Variants in DNAAF8 observed in about 807,000 individuals in gnomAD.
DNAAF8 encodes the protein dynein axonemal-associated protein 1.
DNAAF8 carries 61 observed loss-of-function variants against 54.6 expected under a neutral mutation model. The observed-to-expected ratio is 1.12, with a 90% CI of 0.91 to 1.38. The LOEUF (loss-of-function observed/expected upper bound fraction) is 1.38. DNAAF8 is among the 40% of genes most tolerant of loss of function. The probability of loss-of-function intolerance (pLI) is 0.00; values close to 1 mark genes in which losing one functional copy is unlikely to be tolerated. For synonymous variants in DNAAF8, 320 were observed against 270.1 expected, an observed-to-expected ratio of 1.18 and a Z score of -1.81; for missense variants, 837 against 665.0, an observed-to-expected ratio of 1.26 and a Z score of -2.85.
rs150812571 is a variant in DNAAF8 at position 4,746,442 on chromosome 16, A to G, written c.1111A>G (p.Asn371Asp). The G allele has an allele frequency of 2.6e-5, 42 of 1,613,724 alleles. No individual in the cohort carries two copies. In the African/African-American group the frequency reaches 5.2e-4, roughly 20 times the overall value. Residue 371 changes from asparagine to aspartate, a missense_variant, in exon 7 of 10, where the codon AAC (asparagine) becomes GAC (aspartate). Coordinates refer to ENST00000299320, the MANE Select transcript of DNAAF8 (RefSeq NM_139170.3). ...GPQLAQGMRL[N>D]AESPTIFIDL... ...GCAGCTGGCCCAGGGCATGAGGCTT[A>G]ACGCAGAGTCCCCCACCATCTTTAT... is the stretch of plus-strand genomic sequence containing the variant.
chr16:4,744,777 T>G, intron 5 of DNAAF8, 93 bp from the exon 6 acceptor site: 1 of 1,446,920 alleles, frequency 6.9e-7, no homozygotes, highest in Non-Finnish European at 9.4e-7. Flanking sequence ...TCCATTCACA[T>G]GTGGAGACCC....
chr16:4,746,697 G>T, intron 7 of DNAAF8, 185 bp downstream of exon 7: 2 of 874,468 alleles, frequency 2.3e-6, no homozygotes, highest in South Asian at 3.6e-5. Flanking sequence ...AGAGGGGCAT[G>T]AGGCACACCT....
rs139743701 is a variant in DNAAF8, at chr16:4,737,919, C to T, written c.249C>T (p.Val83=). Residue 83 remains valine (V), a synonymous_variant, in exon 3 of 10, where the codon GTC becomes GTT. Coordinates refer to ENST00000299320, the MANE Select transcript of DNAAF8 (RefSeq NM_139170.3). ...PADGDKSRAW[V]AAAEESLPEP... is the part of the protein sequence containing the mutation. ...ATGGCGACAAGTCCAGGGCCTGGGT[C>T]GCTGCAGCTGAAGAGTCCCTTCCCG... The T allele has an allele frequency of 4.4e-5, 71 of 1,614,190 alleles. No individual in the cohort carries two copies. The African/African-American group carries it at 5.5e-4, about 12-fold the overall frequency.
At chr16:4,737,972 G>C in intron 3 of DNAAF8, 26 bp downstream of exon 3, 1 of 1,607,412 alleles carries the variant, frequency 6.2e-7, no homozygotes. Context: ...AAGAGTATAC[G>C]CCTGTGTGTG....
intron 4 of DNAAF8, 79 bp from the exon 5 acceptor site, chr16:4,742,964 T>C (rs2081972806): frequency 8.7e-7 from 1 of 1,150,888 alleles, no homozygotes; most frequent in South Asian, 1.3e-5. Context: ...TCTCCATGGG[T>C]CACAGCAGCT....
At chr16:4,741,661 G>A in intron 4 of DNAAF8, among the ~76,000 whole-genome samples, 1 of 152,096 alleles carries the variant, frequency 6.6e-6, no homozygotes. Flanking sequence ...TTAGCCAAGT[G>A]TGGTGGTGCG....
At chr16:4,736,674 G>A in intron 2 of DNAAF8, 31 bp downstream of exon 2, 1 of 1,524,338 alleles carries the variant, frequency 6.6e-7, no homozygotes, top group South Asian at 1.2e-5. Flanking sequence ...TGGATGCCTT[G>A]TCCTTCCTAC....
intron 2 of DNAAF8, 131 bp downstream of exon 2, chr16:4,736,774 T>C (rs1191593553): frequency 1.9e-6 from 2 of 1,053,844 alleles, no homozygotes; most frequent in East Asian, 2.9e-5. Context: ...GTCATTTTAC[T>C]TTAAATCGCA....
intron 9 of DNAAF8, among the ~76,000 whole-genome samples, chr16:4,748,019 G>GT (rs1293644749): frequency 2.0e-5 from 3 of 152,096 alleles, no homozygotes; most frequent in African/African-American, 4.8e-5. Context: ...TAAAAACCAA[G>GT]TAAAACGTAT....
Position 4,734,634 on chromosome 16 carries a change from T to G in DNAAF8, c.-116T>G, listed in dbSNP as rs930220738. On this transcript the variant is annotated 5_prime_UTR_variant, in exon 1 of 10. Transcript: ENST00000299320. ...GCCCGAGGGGCGGACGCGAGCGGAG[T>G]GACGCGCTGGAGGCTGTTTATAGCG... 2 of 152,010 alleles carry G rather than the reference T, an allele frequency of 1.3e-5. No individual in the cohort carries two copies. Among genetic ancestry groups the G allele is most frequent in the Admixed American group, 1.3e-4 (2 of 15,254 alleles). 9.4% of individuals were successfully genotyped at this position (152,010 alleles called of 1,614,324 possible). A position where few individuals can be genotyped will look rare whatever the true frequency, so the allele number is the denominator to read the frequency against.
intron 3 of DNAAF8, among the ~76,000 whole-genome samples, chr16:4,739,355 A>C (rs2081935035): frequency 7.4e-6 from 1 of 135,694 alleles, no homozygotes; most frequent in Non-Finnish European, 1.5e-5. Flanking sequence ...GCTACTCAGG[A>C]TGCTGAGGTG....
At chr16:4,737,656 T>C in intron 2 of DNAAF8, 144 bp from the exon 3 acceptor site, 1 of 1,035,846 alleles carries the variant, frequency 9.7e-7, no homozygotes, top group Non-Finnish European at 1.4e-6. Context: ...TCCCCCAGGC[T>C]CCTGAGCAGC....
rs2082050229 is a variant in DNAAF8 at position 4,748,791 on chromosome 16, C to G, written c.*76C>G. On this transcript the variant is annotated 3_prime_UTR_variant, in exon 10 of 10. Coordinates refer to ENST00000299320, the MANE Select transcript of DNAAF8 (RefSeq NM_139170.3). ...CATCACCACCTTGGGCCCCACGGTG[C>G]CACGGGCTCAGGCAGCACAGTAGGG... 2 of 152,436 alleles carry G rather than the reference C, an allele frequency of 1.3e-5. No individual in the cohort carries two copies. The highest frequency in any genetic ancestry group is 2.1e-4 in the South Asian group (1 of 4,828). 9.4% of individuals were successfully genotyped at this position (152,436 alleles called of 1,614,324 possible).
At chr16:4,747,173 C>G in intron 8 of DNAAF8, 148 bp downstream of exon 8, 2 of 1,200,608 alleles carry the variant, frequency 1.7e-6, no homozygotes, top group Non-Finnish European at 2.3e-6. Flanking sequence ...TTTCATCATC[C>G]TGCCCACGTC....
chr16:4,744,491 AAAGTG>A (rs1276217739), intron 5 of DNAAF8, among the ~76,000 whole-genome samples: 1 of 151,976 alleles, frequency 6.6e-6, no homozygotes, highest in African/African-American at 2.4e-5. Flanking sequence ...CAAAGTGAAA[AAAGTG>A]AAGTTGAAAA....
intron 7 of DNAAF8, 124 bp from the exon 8 acceptor site, chr16:4,746,803 C>A: frequency 2.1e-6 from 2 of 933,560 alleles, no homozygotes; most frequent in Non-Finnish European, 3.1e-6. Context: ...GTCCACCGGC[C>A]TCCAGTGTGG....
At chr16:4,743,206 A>C (rs2081975044) in intron 5 of DNAAF8, 46 bp downstream of exon 5, 1 of 1,392,272 alleles carries the variant, frequency 7.2e-7, no homozygotes, top group Non-Finnish European at 1.0e-6. Context: ...CACAAGCAGC[A>C]CCTTCCTGGG....
At chr16:4,745,950 C>T (rs1445213353) in intron 6 of DNAAF8, among the ~76,000 whole-genome samples, 1 of 82,284 alleles carries the variant, frequency 1.2e-5, no homozygotes. Flanking sequence ...AAGACTCTGT[C>T]TCAAAAAAAA....
intron 2 of DNAAF8, among the ~76,000 whole-genome samples, chr16:4,737,498 G>C (rs144876433): frequency 6.6e-6 from 1 of 152,190 alleles, no homozygotes; most frequent in African/African-American, 2.4e-5. Flanking sequence ...TTCATGTCAC[G>C]AGGCATTAAT....
Sources: allele counts gnomAD v4.1 joint callset (sites outside exome capture counted in the v4.1 genomes callset), GRCh38; gene constraint gnomAD v4.1.1; transcripts MANE v1.5; gene names NCBI Gene and HGNC (gene_info 2026-07-23, HGNC 2026-07-21).